The following SF3B2 variants were observed in gnomAD, a reference collection of about 807,000 sequenced individuals.
SF3B2 encodes splicing factor 3b subunit 2.
SF3B2 carries 22 observed loss-of-function variants against 116.3 expected under a neutral mutation model. That is an observed-to-expected ratio of 0.19 (90% CI 0.14 to 0.27). The LOEUF is 0.27. SF3B2 is among the 10% of genes least tolerant of loss of function. The probability of loss-of-function intolerance (pLI) is 1.00; values close to 1 mark genes in which losing one functional copy is unlikely to be tolerated. For synonymous variants in SF3B2, 406 were observed against 421.6 expected (o/e 0.96, Z 0.45); for missense variants, 767 against 1,151.4 (o/e 0.67, Z 4.83).
chr11:66,059,913 G>T lies in SF3B2; in HGVS notation c.1533G>T (p.Leu511=), dbSNP rs1857072762. The T allele has an allele frequency of 1.9e-6, 3 of 1,614,186 alleles. No individual in the cohort carries two copies. Among genetic ancestry groups the T allele is most frequent in the Non-Finnish European group, 1.7e-6 (2 of 1,180,036 alleles). ...ACTGGTGTTTTAAGCGCAAATACCT[G>T]CAGGGCAAACGGGGCATTGAGAAGC... The part of the protein sequence containing the change: ...PRHWCFKRKY[L]QGKRGIEKPP... The change falls in exon 13 of 22, where the codon CTG becomes CTT. Residue 511 remains leucine, a synonymous_variant. Transcript: ENST00000322535. The surrounding 1 kb of genome is among the most constrained non-coding windows in gnomAD (Gnocchi z 5.0).
At position 66,061,927 on chromosome 11, in the gene SF3B2, A is replaced by G. The variant is rs755352306; in HGVS notation, c.1906A>G (p.Met636Val). ...HKVPPPWLIA[M>V]QRYGPPPSYP... ...GGTCCCTCCCCCATGGCTGATTGCC[A>G]TGCAGCGATATGGACCACCCCCATC... is the stretch of plus-strand genomic sequence containing the variant. The change falls in exon 16 of 22, where the codon ATG becomes GTG. Residue 636 changes from methionine to valine, a missense_variant. Around this residue, in one of 4 missense-constraint regions of SF3B2, gnomAD observed 282 missense variants for 568.0 expected, o/e 0.50. Transcript: ENST00000322535. 9 of 1,613,816 alleles carry G rather than the reference A, an allele frequency of 5.6e-6. No homozygotes were observed. The highest frequency in any genetic ancestry group is 8.5e-7 in the Non-Finnish European group (1 of 1,179,924).
At chr11:66,067,690 T>A in intron 19 of SF3B2, 1 of 513,236 alleles carries the variant, frequency 1.9e-6, no homozygotes, top group South Asian at 1.9e-5. Flanking sequence ...TATGTGCATG[T>A]GGGAGTCCTG....
intron 21 of SF3B2, 96 bp downstream of exon 21, chr11:66,068,429 T>C (rs1857227100): frequency 7.9e-7 from 1 of 1,261,640 alleles, no homozygotes; most frequent in South Asian, 1.5e-5. Flanking sequence ...AGAGTGAGGG[T>C]GGCCTCTGCT....
At chr11:66,060,413 G>T (rs1590713837) in intron 13 of SF3B2, among the ~76,000 whole-genome samples, 169 bp from the exon 14 acceptor site, 1 of 152,272 alleles carries the variant, frequency 6.6e-6, no homozygotes, top group East Asian at 1.9e-4. Context: ...AGTCTGTTTT[G>T]TTCAGTATGG....
intron 19 of SF3B2, 89 bp from the exon 20 acceptor site, chr11:66,067,857 A>T: frequency 1.0e-6 from 1 of 988,104 alleles, no homozygotes; most frequent in Non-Finnish European, 1.6e-6. Flanking sequence ...CAAGGCGCTG[A>T]GTGGAGGTGC....
At position 66,059,666 on chromosome 11, in the gene SF3B2, A is replaced by T; in HGVS notation, c.1401+71A>T. 1 of 1,593,936 alleles carries T rather than the reference A, an allele frequency of 6.3e-7. No homozygotes were observed. The highest frequency in any genetic ancestry group is 8.6e-7 in the Non-Finnish European group (1 of 1,162,102). The stretch of plus-strand genomic sequence containing the variant: ...ACCACCTGGGGAGCCAGGGAGGTGA[A>T]AAGGAGTTCTTTGAAGGAGGTGTGG... On this transcript the variant is annotated intron_variant, in intron 12 of 21. Coordinates refer to ENST00000322535, the MANE Select transcript of SF3B2 (RefSeq NM_006842.3). This position sits in a 1 kb window ranked among gnomAD's most constrained non-coding sequence, Gnocchi z 5.0.
intron 14 of SF3B2, 67 bp downstream of exon 14, chr11:66,060,798 G>T (rs371238383): frequency 2.7e-4 from 395 of 1,482,558 alleles, no homozygotes; most frequent in African/African-American, 1.3e-3. Context: ...GCTTTTTTTT[G>T]TTTGTTTGTT....
At chr11:66,061,119 C>T (rs748887561) in intron 14 of SF3B2, among the ~76,000 whole-genome samples, 7 of 152,110 alleles carry the variant, frequency 4.6e-5, no homozygotes, top group Admixed American at 1.3e-4. Flanking sequence ...GAAGCAACTA[C>T]GATAGTTCCT....
intron 5 of SF3B2, 99 bp from the exon 6 acceptor site, chr11:66,056,739 T>C: frequency 2.3e-6 from 2 of 859,940 alleles, no homozygotes; most frequent in Middle Eastern, 2.3e-4. Flanking sequence ...TCGTGATTGT[T>C]CTCCTTGGGC....
intron 19 of SF3B2, chr11:66,066,030 A>G (rs1857176609): frequency 6.6e-6 from 1 of 151,984 alleles, no homozygotes; most frequent in Non-Finnish European, 1.5e-5. Context: ...GCGCCACCCC[A>G]CCCAGCTAAT....
chr11:66,053,115 T>A lies in SF3B2; in HGVS notation c.258+11T>A. ...CCCATGTCGGCACAGGTAGGGAGAT[T>A]CTTCTGTTTTTTAAGATTCCATCTG... On this transcript the variant is annotated intron_variant, in intron 3 of 21. Coordinates refer to ENST00000322535, the MANE Select transcript of SF3B2 (RefSeq NM_006842.3). 1 of 1,612,374 alleles carries A rather than the reference T, an allele frequency of 6.2e-7. No individual in the cohort carries two copies. The highest frequency in any genetic ancestry group is 8.5e-7 in the Non-Finnish European group (1 of 1,178,842).
In SF3B2 at chr11:66,060,114, G is replaced by A; in HGVS notation, c.1629+105G>A. The A allele has an allele frequency of 7.2e-6, 7 of 969,998 alleles. No individual in the cohort carries two copies. The South Asian group carries it at 1.0e-4, about 14-fold the overall frequency. The allele number at this position is 969,998 out of a possible 1,614,324, so 60.1% of individuals were successfully genotyped here. ...TTTGAAACCCACCTACCACCTACTTGTTACTTGTCTAATTATCCTTTTGTT... is the reference window on the plus strand; with the variant it reads ...TTTGAAACCCACCTACCACCTACTTATTACTTGTCTAATTATCCTTTTGTT... On this transcript the variant is annotated intron_variant, in intron 13 of 21. Coordinates refer to ENST00000322535, the MANE Select transcript of SF3B2 (RefSeq NM_006842.3).
At chr11:66,061,847 G>A (rs777732413) in intron 15 of SF3B2, 44 bp from the exon 16 acceptor site, 19 of 1,606,532 alleles carry the variant, frequency 1.2e-5, no homozygotes, top group Non-Finnish European at 1.6e-5. Context: ...GCAGAGACAG[G>A]GATAGGGTTT....
At chr11:66,066,754 TG>T (rs1857194860) in intron 19 of SF3B2, 1 of 152,356 alleles carries the variant, frequency 6.6e-6, no homozygotes, top group South Asian at 2.1e-4. Flanking sequence ...TGAATCCTTT[TG>T]GGTGCTTCTT....
chr11:66,059,235 A>G lies in SF3B2; in HGVS notation c.1217A>G (p.Glu406Gly). The G allele has an allele frequency of 6.2e-7, 1 of 1,614,114 alleles. No homozygotes were observed. Among genetic ancestry groups the G allele is most frequent in the Non-Finnish European group, 8.5e-7 (1 of 1,180,016 alleles). The change falls in exon 11 of 22, where the codon GAG becomes GGG. Residue 406 changes from glutamate (E) to glycine (G), a missense_variant. By Grantham distance (98) the Glu-to-Gly change is moderately conservative. Transcript: ENST00000322535. The surrounding 1 kb of genome is among the most constrained non-coding windows in gnomAD (Gnocchi z 5.0). ...TDDVKKEKEK[E>G]PEKLDKLENS... ...GATGTGAAGAAGGAGAAAGAGAAGG[A>G]GCCAGAGAAACTTGACAAACTGGAG...
chr11:66,068,611 T>C (rs1239757517), intron 21 of SF3B2, 63 bp from the exon 22 acceptor site: 2 of 1,417,468 alleles, frequency 1.4e-6, no homozygotes, highest in African/African-American at 2.9e-5. Context: ...CTGCCCACCC[T>C]TGTTTTGGGG....
chr11:66,059,015 C>T lies in SF3B2; in HGVS notation c.1152C>T (p.Ile384=), dbSNP rs1857054903. ...CTGAAATTTACGAGCCCAACTTTAT[C>T]TTCTTTAAGAGGATCTTTGAGGCTT... The part of the protein sequence containing the change: ...EEPEIYEPNF[I]FFKRIFEAFK... Residue 384 remains isoleucine, a synonymous_variant, in exon 10 of 22, where the codon ATC becomes ATT. Coordinates refer to ENST00000322535, the MANE Select transcript of SF3B2 (RefSeq NM_006842.3). The surrounding 1 kb of genome is among the most constrained non-coding windows in gnomAD (Gnocchi z 5.0). The T allele has an allele frequency of 2.5e-6, 4 of 1,614,100 alleles. No individual in the cohort carries two copies. The African/African-American group carries it at 4.0e-5, about 16-fold the overall frequency.
At chr11:66,066,902 C>CT (rs1857197733) in intron 19 of SF3B2, 1 of 158,460 alleles carries the variant, frequency 6.3e-6, no homozygotes, top group East Asian at 1.9e-4. Flanking sequence ...TCTCCCTGGA[C>CT]TTTCAGTTTC....
rs771021193 is a variant in SF3B2, at chr11:66,068,352, G to A, written c.2616+19G>A. Reference sequence around the variant, plus strand: ...ACAGAAGGTAGGCGCTTCCAGGGGCGCTGGGCTGGGTGAGAGCCAGGGACC... The same window carrying A: ...ACAGAAGGTAGGCGCTTCCAGGGGCACTGGGCTGGGTGAGAGCCAGGGACC... On this transcript the variant is annotated intron_variant, in intron 21 of 21. Transcript: ENST00000322535. The A allele has an allele frequency of 2.5e-6, 4 of 1,575,616 alleles. No individual in the cohort carries two copies. The highest frequency in any genetic ancestry group is 2.6e-6 in the Non-Finnish European group (3 of 1,162,730).
Sources: gnomAD v4.1 joint callset for allele counts (sites outside exome capture counted in the v4.1 genomes callset) on GRCh38, gnomAD v4.1.1 for gene constraint, gnomAD v4.1.1 regional missense constraint, Gnocchi (gnomAD v3.1) non-coding constraint, MANE v1.5 for transcripts, NCBI Gene and HGNC (gene_info 2026-07-23, HGNC 2026-07-21) for gene names.